The following NR2C1 variants were observed in gnomAD, a reference collection of about 807,000 sequenced individuals.
NR2C1 encodes the protein TR2 nuclear hormone receptor.
Under a neutral mutation model 74.8 loss-of-function variants are expected in NR2C1, and 33 were observed. The ratio of observed to expected loss-of-function variants is 0.44; its 90% CI spans 0.33 to 0.59. NR2C1 has a LOEUF of 0.59. NR2C1 is among the 20% of genes least tolerant of loss of function. The probability of loss-of-function intolerance (pLI) is 0.02; values close to 1 mark genes in which losing one functional copy is unlikely to be tolerated. For synonymous variants in NR2C1, 225 were observed against 240.6 expected, an observed-to-expected ratio of 0.94 and a Z score of 0.60; for missense variants, 568 against 715.6, an observed-to-expected ratio of 0.79 and a Z score of 2.35.
In NR2C1 at chr12:95,059,986, T is replaced by TAAAAAAAA. The variant is rs79760875; in HGVS notation, c.286-10_286-3dup. On this transcript the variant is annotated splice_region_variant and splice_polypyrimidine_tract_variant and intron_variant, in intron 3 of 13. Transcript: ENST00000333003. ...GTCTGGAGAATTATCTGTTAGGAGC[T>TAAAAAAAA]AAAAAAAAAAAAAAAAAAAAAGAAA... The TAAAAAAAA allele has an allele frequency of 3.4e-5, 36 of 1,074,536 alleles. No individual in the cohort carries two copies. Among genetic ancestry groups the TAAAAAAAA allele is most frequent in the East Asian group, 9.3e-5 (3 of 32,132 alleles). 66.6% of individuals were successfully genotyped at this position (1,074,536 alleles called of 1,614,324 possible). A position where few individuals can be genotyped will look rare whatever the true frequency, so the allele number is the denominator to read the frequency against.
At chr12:95,031,305 G>A in intron 11 of NR2C1, 44 bp downstream of exon 11, 1 of 1,464,928 alleles carries the variant, frequency 6.8e-7, no homozygotes, top group Non-Finnish European at 9.0e-7. Flanking sequence ...TGAAACTCAT[G>A]CCTCCTCCTA....
rs374627406 is a variant in NR2C1, at chr12:95,067,318, A to G, written c.54+13T>C. On this transcript the variant is annotated intron_variant, in intron 2 of 13. Coordinates refer to ENST00000333003, the MANE Select transcript of NR2C1 (RefSeq NM_003297.4). ...TTTGGTGGGCCAGTGCATCAACCGTAAACTAGACATACCTCTCCCATCTGT... is the reference window on the plus strand; with the variant it reads ...TTTGGTGGGCCAGTGCATCAACCGTGAACTAGACATACCTCTCCCATCTGT... 1.9e-6 allele frequency: 3 copies of G among 1,612,112 alleles called. No individual in the cohort carries two copies. In the African/African-American group the frequency reaches 4.0e-5, roughly 22 times the overall value.
chr12:95,072,997 G>A (rs907592684), intron 1 of NR2C1: 1 of 152,388 alleles, frequency 6.6e-6, no homozygotes, highest in Non-Finnish European at 1.5e-5. Context: ...TGGAAGCCCC[G>A]GCGCTGCGCG....
chr12:95,055,881 A>T (rs1199190072), intron 7 of NR2C1, among the ~76,000 whole-genome samples: 26 of 139,018 alleles, frequency 1.9e-4, no homozygotes, highest in Non-Finnish European at 2.9e-4. Flanking sequence ...TGAACCCAGG[A>T]GGCGGAGGCT....
intron 9 of NR2C1, among the ~76,000 whole-genome samples, 188 bp from the exon 10 acceptor site, chr12:95,040,785 T>C (rs531516084): frequency 6.6e-6 from 1 of 152,324 alleles, no homozygotes; most frequent in South Asian, 2.1e-4. Flanking sequence ...AAGTAGCCCA[T>C]AGTTTCTAAC....
intron 11 of NR2C1, among the ~76,000 whole-genome samples, chr12:95,029,558 CCTT>C (rs199782603): frequency 0.016 from 1,932 of 122,604 alleles, 13 homozygotes; most frequent in Middle Eastern, 0.05. Context: ...TGTAATGGTT[CCTT>C]TTTTTTTTTT....
chr12:95,052,446 G>A lies in NR2C1; in HGVS notation c.784-503C>T, dbSNP rs1055543932. Among the ~76,000 whole-genome samples the A allele has an allele frequency of 2.6e-5, 4 of 152,044 alleles. No individual in the cohort carries two copies. The East Asian group carries it at 5.8e-4, about 22-fold the overall frequency. ...TGGGATTACAGGCGTGGGCCATCGCGCCCGGCCGTATATGTTACTTTTTTT... is the reference window on the plus strand; with the variant it reads ...TGGGATTACAGGCGTGGGCCATCGCACCCGGCCGTATATGTTACTTTTTTT... On this transcript the variant is annotated intron_variant, in intron 7 of 13. Coordinates refer to ENST00000333003, the MANE Select transcript of NR2C1 (RefSeq NM_003297.4).
chr12:95,044,648 G>T (rs950148669), intron 9 of NR2C1, among the ~76,000 whole-genome samples: 2 of 152,044 alleles, frequency 1.3e-5, no homozygotes, highest in East Asian at 1.9e-4. Flanking sequence ...ACTTTGGGGG[G>T]GCCGAGGTGG....
At chr12:95,042,491 G>T (rs1282104488) in intron 9 of NR2C1, among the ~76,000 whole-genome samples, 32 of 152,038 alleles carry the variant, frequency 2.1e-4, no homozygotes. Context: ...AGGATTACAG[G>T]CATGAGCCAC....
intron 1 of NR2C1, among the ~76,000 whole-genome samples, chr12:95,068,828 TG>T (rs757717217): frequency 6.7e-6 from 1 of 149,120 alleles, no homozygotes; most frequent in Non-Finnish European, 1.5e-5. Context: ...CCAGGCATGG[TG>T]GCGGGTGCCC....
intron 2 of NR2C1, 111 bp from the exon 3 acceptor site, chr12:95,062,849 C>T: frequency 1.3e-6 from 1 of 745,606 alleles, no homozygotes; most frequent in Non-Finnish European, 2.2e-6. Context: ...CACACACGTA[C>T]CTTTTAAACT....
intron 9 of NR2C1, among the ~76,000 whole-genome samples, chr12:95,043,702 A>AAAAAAAAAAAAAAAAAAAAAAAAAAAAAC (rs1871912384): frequency 6.6e-6 from 1 of 151,814 alleles, no homozygotes. Context: ...AAAAAAAAAA[A>AAAAAAAAAAAAAAAAAAAAAAAAAAAAAC]ATCCTTTGCA....
At chr12:95,054,704 G>A (rs975403829) in intron 7 of NR2C1, among the ~76,000 whole-genome samples, 3 of 152,122 alleles carry the variant, frequency 2.0e-5, no homozygotes, top group Non-Finnish European at 4.4e-5. Context: ...CTAAAACTTA[G>A]AAGCTTATAT....
At chr12:95,031,637 G>T in intron 10 of NR2C1, 149 bp from the exon 11 acceptor site, 1 of 522,156 alleles carries the variant, frequency 1.9e-6, no homozygotes, top group Non-Finnish European at 3.0e-6. Context: ...TTGTATAGCT[G>T]ATAACAAAAT....
At chr12:95,072,227 G>A (rs1189816451) in intron 1 of NR2C1, among the ~76,000 whole-genome samples, 4 of 149,914 alleles carry the variant, frequency 2.7e-5, no homozygotes, top group African/African-American at 9.8e-5. Context: ...AGAGTATCAA[G>A]ACCATCCTGG....
In NR2C1 at chr12:95,060,310, C is replaced by T. The variant is rs995797500; in HGVS notation, c.286-326G>A. Among the ~76,000 whole-genome samples the T allele has an allele frequency of 2.6e-5, 4 of 152,268 alleles. No individual in the cohort carries two copies. The South Asian group carries it at 8.3e-4, about 32-fold the overall frequency. ...AGGTATGGACTTAAAAAGCTCATCA[C>T]TAGGCACAGCTAATAAGATACTGGC... On this transcript the variant is annotated intron_variant, in intron 3 of 13. Transcript: ENST00000333003.
chr12:95,042,560 G>T (rs1003950903), intron 9 of NR2C1, among the ~76,000 whole-genome samples: 1 of 151,032 alleles, frequency 6.6e-6, no homozygotes, highest in African/African-American at 2.5e-5. Flanking sequence ...CCCCTCAAAG[G>T]TATCTTCTAT....
chr12:95,031,398 T>C lies in NR2C1; in HGVS notation c.1344A>G (p.Ala448=). The change falls in exon 11 of 14, where the codon GCA becomes GCG. Residue 448 remains alanine (A), a synonymous_variant. Transcript: ENST00000333003. ...LAQCWQVMNV[A]TILATFVNCL... ...AATTGACAAATGTTGCTAATATAGT[T>C]GCTACATTCATCACTTGCCAGCACT... 1 of 1,607,474 alleles carries C rather than the reference T, an allele frequency of 6.2e-7. No individual in the cohort carries two copies. Among genetic ancestry groups the C allele is most frequent in the Non-Finnish European group, 8.5e-7 (1 of 1,177,398 alleles).
intron 12 of NR2C1, among the ~76,000 whole-genome samples, chr12:95,026,356 CAG>C (rs1208541418): frequency 1.3e-5 from 2 of 151,680 alleles, no homozygotes; most frequent in African/African-American, 2.4e-5. Context: ...AGAAAAATAA[CAG>C]AAACATGAAA....
Sources: gnomAD v4.1 joint callset for allele counts (sites outside exome capture counted in the v4.1 genomes callset) on GRCh38, gnomAD v4.1.1 for gene constraint, MANE v1.5 for transcripts, NCBI Gene and HGNC (gene_info 2026-07-23, HGNC 2026-07-21) for gene names.